The following RNF180 variants were observed in gnomAD, a reference collection of about 807,000 sequenced individuals.
RNF180 encodes E3 ubiquitin-protein ligase RNF180.
RNF180 carries 38 observed loss-of-function variants against 59.2 expected under a neutral mutation model. The ratio of observed to expected loss-of-function variants is 0.64; its 90% confidence interval spans 0.50 to 0.84. The LOEUF (loss-of-function observed/expected upper bound fraction) is 0.84, where lower values mean the gene tolerates loss of function less well. Among genes scored for constraint, RNF180 ranks in the 40% least tolerant of loss-of-function variants. The pLI is 0.00. For missense variants in RNF180, 705 were observed against 700.9 expected, an observed-to-expected ratio of 1.01 and a Z score of -0.07; for synonymous variants, 262 against 240.3, an observed-to-expected ratio of 1.09 and a Z score of -0.84.
intron 5 of RNF180, among the ~76,000 whole-genome samples, chr5:64,296,143 A>G (rs947269517): frequency 1.3e-5 from 2 of 152,188 alleles, no homozygotes; most frequent in Admixed American, 1.3e-4. Flanking sequence ...AATGGACAGT[A>G]GACTTCCTAT....
At chr5:64,362,063 CTTAAAT>C (rs1225254885) in intron 7 of RNF180, among the ~76,000 whole-genome samples, 1 of 149,740 alleles carries the variant, frequency 6.7e-6, no homozygotes, top group Non-Finnish European at 1.5e-5. Flanking sequence ...TTTAATTAAA[CTTAAAT>C]TTAATTTATT....
At chr5:64,225,588 T>C (rs1383503478) in intron 5 of RNF180, among the ~76,000 whole-genome samples, 1 of 137,370 alleles carries the variant, frequency 7.3e-6, no homozygotes, top group Admixed American at 7.4e-5. Context: ...AGTGAGCGCC[T>C]CTGCCTAGCC....
In RNF180 at chr5:64,223,040, T is replaced by C. The variant is rs550642328; in HGVS notation, c.1227+5644T>C. On this transcript the variant is annotated intron_variant, in intron 5 of 7. Transcript: ENST00000389100. ...AACATTGGTTAAAATAACACAGTTT[T>C]ATCATCTTATAGTTCTGAAGGTCAC... Among the ~76,000 whole-genome samples the C allele has an allele frequency of 2.2e-4, 33 of 152,366 alleles. 1 individual carries two copies. In the South Asian group the frequency reaches 6.8e-3, roughly 32 times the overall value.
intron 7 of RNF180, among the ~76,000 whole-genome samples, chr5:64,350,567 T>C (rs549711897): frequency 3.9e-5 from 6 of 152,180 alleles, no homozygotes; most frequent in Non-Finnish European, 8.8e-5. Flanking sequence ...CTTTAATCCA[T>C]TTTGAATGAA....
At chr5:64,226,761 C>T (rs1039490114) in intron 5 of RNF180, among the ~76,000 whole-genome samples, 43 of 152,040 alleles carry the variant, frequency 2.8e-4, no homozygotes, top group African/African-American at 1.0e-3. Context: ...TAACAGAGTT[C>T]TTTAGCCTCC....
chr5:64,290,865 C>G (rs1742545225), intron 5 of RNF180, among the ~76,000 whole-genome samples: 1 of 152,110 alleles, frequency 6.6e-6, no homozygotes, highest in Non-Finnish European at 1.5e-5. Context: ...GGGCATTTAG[C>G]TCATTTACGT....
chr5:64,165,403 T>C (rs1469612794), upstream of RNF180, among the ~76,000 whole-genome samples: 2 of 152,132 alleles, frequency 1.3e-5, no homozygotes, highest in Non-Finnish European at 2.9e-5. Context: ...GATAGTGATA[T>C]ACGAAGGGAA....
chr5:64,371,806 G>T lies in RNF180; in HGVS notation c.*1992G>T, dbSNP rs1010544818. 15 of 151,440 alleles carry T rather than the reference G, an allele frequency of 9.9e-5. No individual in the cohort carries two copies. The highest frequency in any genetic ancestry group is 3.4e-4 in the African/African-American group (14 of 41,350). 9.4% of individuals were successfully genotyped at this position (151,440 alleles called of 1,614,324 possible). On this transcript the variant is annotated 3_prime_UTR_variant, in exon 8 of 8. Transcript: ENST00000389100. ...TTTTGTAAAAGTGGAGATAAAAACTGCTAAATATTAAGAAGTATAGCATTT... is the reference window on the plus strand; with the variant it reads ...TTTTGTAAAAGTGGAGATAAAAACTTCTAAATATTAAGAAGTATAGCATTT...
At chr5:64,168,627 G>T (rs779661219) in intron 1 of RNF180, among the ~76,000 whole-genome samples, 5 of 152,126 alleles carry the variant, frequency 3.3e-5, no homozygotes, top group African/African-American at 4.8e-5. Flanking sequence ...TCATAGAGAA[G>T]TTTGAATGTC....
chr5:64,305,283 T>C (rs1326899818), intron 5 of RNF180, among the ~76,000 whole-genome samples: 2 of 151,594 alleles, frequency 1.3e-5, no homozygotes, highest in African/African-American at 4.8e-5. Context: ...TTCTCAGAGC[T>C]TATTTAACTT....
chr5:64,258,915 CAG>C lies in RNF180; in HGVS notation c.1227+41524_1227+41525del, dbSNP rs1040518713. On this transcript the variant is annotated intron_variant, in intron 5 of 7. Transcript: ENST00000389100. The stretch of plus-strand genomic sequence containing the variant: ...AGGTGTTAGGCTAGGCAGTGCTTGT[CAG>C]AGAGTAGGTTGTTTGAACTTGAAAG... 6.8e-4 allele frequency among the ~76,000 whole-genome samples: 104 copies of C among 152,208 alleles called. 1 individual carries two copies. The highest frequency in any genetic ancestry group is 2.5e-3 in the African/African-American group (103 of 41,516).
chr5:64,203,235 A>G (rs1054026465), intron 2 of RNF180, among the ~76,000 whole-genome samples: 1 of 152,208 alleles, frequency 6.6e-6, no homozygotes, highest in African/African-American at 2.4e-5. Flanking sequence ...TCTGAGGAGT[A>G]CTCTAACAGA....
intron 5 of RNF180, among the ~76,000 whole-genome samples, chr5:64,268,999 A>G (rs1208324883): frequency 6.6e-6 from 1 of 152,124 alleles, no homozygotes; most frequent in African/African-American, 2.4e-5. Context: ...GCATACCTAC[A>G]TCCAGATTGC....
chr5:64,179,350 A>T (rs1024748118), intron 1 of RNF180, among the ~76,000 whole-genome samples: 2 of 152,172 alleles, frequency 1.3e-5, no homozygotes, highest in Admixed American at 6.5e-5. Context: ...ATGCAGATAA[A>T]ATTTAAGCCC....
At chr5:64,210,168 A>G (rs751310136) in intron 2 of RNF180, among the ~76,000 whole-genome samples, 1 of 152,066 alleles carries the variant, frequency 6.6e-6, no homozygotes, top group Non-Finnish European at 1.5e-5. Context: ...ATTTATAGAC[A>G]CTCTTAGGTG....
intron 7 of RNF180, among the ~76,000 whole-genome samples, chr5:64,349,848 T>G (rs1344346599): frequency 6.6e-6 from 1 of 152,156 alleles, no homozygotes; most frequent in Non-Finnish European, 1.5e-5. Context: ...TGCTAGACAT[T>G]AGGGTTGGTT....
intron 5 of RNF180, among the ~76,000 whole-genome samples, chr5:64,248,301 A>G (rs1057304819): frequency 9.9e-5 from 15 of 152,222 alleles, no homozygotes; most frequent in Admixed American, 7.2e-4. Flanking sequence ...AAAGGAAACT[A>G]TGATCAGAGT....
At chr5:64,327,708 A>G (rs541101672) in intron 6 of RNF180, among the ~76,000 whole-genome samples, 12 of 152,270 alleles carry the variant, frequency 7.9e-5, no homozygotes, top group African/African-American at 2.9e-4. Context: ...AACCCTAGAG[A>G]ATGGTCCATG....
In RNF180 at chr5:64,251,323, C is replaced by G. The variant is rs534162174; in HGVS notation, c.1227+33927C>G. On this transcript the variant is annotated intron_variant, in intron 5 of 7. Coordinates refer to ENST00000389100, the MANE Select transcript of RNF180 (RefSeq NM_001113561.2). ...CAGTGTCACCACTTTTTATCGTTACCATACTGGCGACCCTAGCCATAGCAA... is the reference window on the plus strand; with the variant it reads ...CAGTGTCACCACTTTTTATCGTTACGATACTGGCGACCCTAGCCATAGCAA... Among the ~76,000 whole-genome samples, 15 of 152,278 alleles carry G rather than the reference C, an allele frequency of 9.9e-5. 2 individuals carry two copies. The highest frequency in any genetic ancestry group is 3.6e-4 in the African/African-American group (15 of 41,558).
Sources: gnomAD v4.1 joint callset for allele counts (sites outside exome capture counted in the v4.1 genomes callset) on GRCh38, gnomAD v4.1.1 for gene constraint, MANE v1.5 for transcripts, NCBI Gene and HGNC (gene_info 2026-07-23, HGNC 2026-07-21) for gene names.